CNST: variants seen among roughly 807,000 people sequenced by gnomAD.
CNST encodes the protein consortin, connexin sorting protein.
CNST carries 39 observed loss-of-function variants against 72.4 expected under a neutral mutation model. The ratio of observed to expected loss-of-function variants is 0.54; its 90% CI spans 0.42 to 0.70. CNST has a LOEUF of 0.70. Among genes scored for constraint, CNST ranks in the 30% least tolerant of loss-of-function variants. CNST has a pLI of 0.00. For synonymous variants in CNST, 332 were observed against 320.1 expected, an observed-to-expected ratio of 1.04 and a Z score of -0.40; for missense variants, 871 against 868.5, an observed-to-expected ratio of 1.00 and a Z score of -0.04.
At chr1:246,641,804 G>A in intron 7 of CNST, 34 bp downstream of exon 7, 4 of 1,305,874 alleles carry the variant, frequency 3.1e-6, no homozygotes, top group Non-Finnish European at 3.3e-6. Flanking sequence ...ATATTTCTAG[G>A]AAAAATGTTT....
In CNST at chr1:246,591,771, A is replaced by G; in HGVS notation, c.209A>G (p.Asn70Ser). 2 of 1,614,146 alleles carry G rather than the reference A, an allele frequency of 1.2e-6. No homozygotes were observed. The highest frequency in any genetic ancestry group is 1.7e-6 in the Non-Finnish European group (2 of 1,180,008). ...KPQVSEQDSL[N>S]NNESCTLSCE... ...CAAGTGTCTGAGCAGGACAGTCTCAATAATAATGAAAGCTGCACATTGAGC... is the reference window on the plus strand; with the variant it reads ...CAAGTGTCTGAGCAGGACAGTCTCAGTAATAATGAAAGCTGCACATTGAGC... The change falls in exon 2 of 11, where the codon AAT (asparagine) becomes AGT (serine). Residue 70 changes from asparagine to serine, a missense_variant. Asn to Ser is a conservative substitution (Grantham distance 46, BLOSUM62 1). Coordinates refer to ENST00000366513, the MANE Select transcript of CNST (RefSeq NM_152609.3).
At chr1:246,574,341 G>A (rs537409581) in intron 1 of CNST, among the ~76,000 whole-genome samples, 2 of 152,272 alleles carry the variant, frequency 1.3e-5, no homozygotes, top group East Asian at 3.9e-4. Flanking sequence ...GCTCCCAGCC[G>A]CTCCAAAGAT....
At chr1:246,634,724 T>C in intron 6 of CNST, 137 bp downstream of exon 6, 2 of 620,476 alleles carry the variant, frequency 3.2e-6, no homozygotes, top group Non-Finnish European at 2.8e-6. Context: ...ATTGCAAGGC[T>C]CTAGTATTGG....
At chr1:246,635,644 G>A (rs1432761208) in intron 6 of CNST, among the ~76,000 whole-genome samples, 1 of 152,200 alleles carries the variant, frequency 6.6e-6, no homozygotes, top group Non-Finnish European at 1.5e-5. Context: ...ATTGCTGGGT[G>A]CATTTGGTTT....
Position 246,566,654 on chromosome 1 carries a change from C to G in CNST, c.-61C>G, listed in dbSNP as rs535675734. The G allele has an allele frequency of 4.7e-4, 188 of 401,810 alleles. 1 individual carries two copies. The East Asian group carries it at 6.5e-3, about 14-fold the overall frequency. The allele number at this position is 401,810 out of a possible 1,614,324, so 24.9% of individuals were successfully genotyped here. A position where few individuals can be genotyped will look rare whatever the true frequency, so the allele number is the denominator to read the frequency against. ...CCAGCGGTAGCCCTCCTTGCGCCTC[C>G]GATTCCCAGGTGAGGAGAGGAGGAG... is the stretch of plus-strand genomic sequence containing the variant. On this transcript the variant is annotated 5_prime_UTR_variant, in exon 1 of 11. Coordinates refer to ENST00000366513, the MANE Select transcript of CNST (RefSeq NM_152609.3).
chr1:246,568,276 G>A (rs1659849096), intron 1 of CNST, among the ~76,000 whole-genome samples: 1 of 152,180 alleles, frequency 6.6e-6, no homozygotes, highest in East Asian at 1.9e-4. Context: ...AAAAACTGAT[G>A]TCATTTTTTA....
intron 1 of CNST, among the ~76,000 whole-genome samples, chr1:246,574,938 CAAAG>C (rs1422284511): frequency 6.6e-6 from 1 of 151,676 alleles, no homozygotes; most frequent in Non-Finnish European, 1.5e-5. Context: ...CATAGTGAGT[CAAAG>C]AACAAATCTG....
intron 4 of CNST, 75 bp from the exon 5 acceptor site, chr1:246,633,849 A>G (rs1664953460): frequency 1.1e-5 from 11 of 977,696 alleles, no homozygotes; most frequent in African/African-American, 3.2e-5. Context: ...CTCAACATCT[A>G]TAGGACATTG....
rs771217219 is a variant in CNST, at chr1:246,622,732, G to C, written c.585+1098G>C. ...CTGGAGACTGGGGAGCCTTTAGGCC[G>C]GTGGTGAGGAAACTTTTTTTTTTAC... On this transcript the variant is annotated intron_variant, in intron 3 of 10. Coordinates refer to ENST00000366513, the MANE Select transcript of CNST (RefSeq NM_152609.3). Among the ~76,000 whole-genome samples the C allele has an allele frequency of 2.1e-5, 3 of 142,002 alleles. No homozygotes were observed. In the Admixed American group the frequency reaches 2.2e-4, roughly 10 times the overall value. 93.2% of individuals were successfully genotyped at this position (142,002 alleles called of 152,430 possible).
chr1:246,621,655 C>G (rs1399041630), intron 3 of CNST, 21 bp downstream of exon 3: 2 of 1,592,940 alleles, frequency 1.3e-6, no homozygotes, highest in South Asian at 2.2e-5. Flanking sequence ...AAACCCTTCA[C>G]TTTCAGCCTC....
intron 2 of CNST, among the ~76,000 whole-genome samples, chr1:246,612,721 T>TA (rs1464542391): frequency 6.6e-6 from 1 of 151,874 alleles, no homozygotes; most frequent in East Asian, 1.9e-4. Flanking sequence ...ACCCCATCTC[T>TA]AAAAAAATAC....
At chr1:246,658,788 T>C (rs1666904839) in intron 9 of CNST, among the ~76,000 whole-genome samples, 1 of 152,212 alleles carries the variant, frequency 6.6e-6, no homozygotes, top group Non-Finnish European at 1.5e-5. Context: ...AGGCCCACAG[T>C]GCCTGCCTGT....
At chr1:246,591,379 G>A in intron 1 of CNST, 133 bp from the exon 2 acceptor site, 1 of 659,752 alleles carries the variant, frequency 1.5e-6, no homozygotes, top group Non-Finnish European at 2.5e-6. Context: ...ATGGTGAAAG[G>A]GAATGAACTT....
chr1:246,641,012 T>G (rs1665652099), intron 6 of CNST, among the ~76,000 whole-genome samples: 1 of 152,194 alleles, frequency 6.6e-6, no homozygotes, highest in Non-Finnish European at 1.5e-5. Context: ...AACCACTATC[T>G]GGACTCTATA....
At chr1:246,590,924 C>G (rs888892683) in intron 1 of CNST, among the ~76,000 whole-genome samples, 21 of 146,954 alleles carry the variant, frequency 1.4e-4, no homozygotes, top group African/African-American at 4.8e-4. Flanking sequence ...CCTTCCAGGG[C>G]TTATTTTTAG....
chr1:246,635,907 G>A (rs957956018), intron 6 of CNST, among the ~76,000 whole-genome samples: 3 of 152,136 alleles, frequency 2.0e-5, no homozygotes, highest in African/African-American at 7.2e-5. Flanking sequence ...GGACTCCGAG[G>A]GTGTTGCCCG....
At chr1:246,618,726 A>G (rs772672337) in intron 2 of CNST, among the ~76,000 whole-genome samples, 4 of 152,104 alleles carry the variant, frequency 2.6e-5, no homozygotes, top group African/African-American at 4.8e-5. Context: ...TTATTTACCA[A>G]TGTATTGCTT....
chr1:246,644,660 G>A (rs913098084), intron 8 of CNST, among the ~76,000 whole-genome samples: 3 of 152,156 alleles, frequency 2.0e-5, no homozygotes, highest in African/African-American at 7.2e-5. Context: ...GCAGCCTTTA[G>A]GTAACTGACC....
intron 2 of CNST, among the ~76,000 whole-genome samples, chr1:246,604,030 C>G (rs1662500457): frequency 6.6e-6 from 1 of 152,148 alleles, no homozygotes; most frequent in South Asian, 2.1e-4. Context: ...TTGAGACCAG[C>G]CTGGCCAACT....
Sources: allele counts gnomAD v4.1 joint callset (sites outside exome capture counted in the v4.1 genomes callset), GRCh38; gene constraint gnomAD v4.1.1; transcripts MANE v1.5; gene names NCBI Gene and HGNC (gene_info 2026-07-23, HGNC 2026-07-21).